DCTN5: variants seen among roughly 807,000 people sequenced by gnomAD.
DCTN5 encodes dynactin subunit 5, also known as dynactin 4.
In DCTN5, 14 loss-of-function variants were observed where a neutral mutation model predicts 23.5. The ratio of observed to expected loss-of-function variants is 0.60; its 90% CI spans 0.39 to 0.93. The LOEUF (loss-of-function observed/expected upper bound fraction) is 0.93, where lower values mean the gene tolerates loss of function less well. DCTN5 is among the 40% of genes least tolerant of loss of function. The pLI is 0.00. For synonymous variants in DCTN5, 67 were observed against 79.6 expected, an observed-to-expected ratio of 0.84 and a Z score of 0.84; for missense variants, 156 against 225.9, an observed-to-expected ratio of 0.69 and a Z score of 1.98.
intron 5 of DCTN5, chr16:23,666,578 C>G (rs563339298): frequency 4.2e-5 from 7 of 166,308 alleles, no homozygotes; most frequent in Non-Finnish European, 6.5e-5. Context: ...TTGTTTTACA[C>G]AGCTGAAATC....
chr16:23,647,134 GGTT>G (rs1463060577), intron 2 of DCTN5, among the ~76,000 whole-genome samples: 15 of 80,608 alleles, frequency 1.9e-4, no homozygotes, highest in African/African-American at 4.5e-4. Context: ...TAAGTTTTCT[GGTT>G]TTTTTTTTTT....
rs1967805805 is a variant in DCTN5, at chr16:23,661,299, G to A, written c.348+18G>A. ...GTGTGATTGTGAGTATGATGACTTG[G>A]CTGGCAAAGCAGCTTCACTTTCCCT... is the stretch of plus-strand genomic sequence containing the variant. On this transcript the variant is annotated intron_variant, in intron 4 of 5. Coordinates refer to ENST00000300087, the MANE Select transcript of DCTN5 (RefSeq NM_032486.4). The A allele has an allele frequency of 1.9e-6, 3 of 1,581,588 alleles. No individual in the cohort carries two copies. In the East Asian group the frequency reaches 6.8e-5, roughly 36 times the overall value.
chr16:23,641,618 T>C (rs757601639), intron 1 of DCTN5, 28 bp downstream of exon 1: 1 of 1,613,464 alleles, frequency 6.2e-7, no homozygotes, highest in East Asian at 2.2e-5. Context: ...TGTATCCTCC[T>C]CTTTCCAACC....
At chr16:23,654,262 A>G (rs1245213053) in intron 2 of DCTN5, among the ~76,000 whole-genome samples, 1 of 152,258 alleles carries the variant, frequency 6.6e-6, no homozygotes, top group Non-Finnish European at 1.5e-5. Flanking sequence ...TAGCAAAGAC[A>G]TGGAATCAAC....
chr16:23,646,144 G>C lies in DCTN5; in HGVS notation c.117+3121G>C, dbSNP rs973029202. The stretch of plus-strand genomic sequence containing the variant: ...TGGCCATCCAAGGGAGTATAAAATG[G>C]TATCTCATAGTGGTTTTGATTTGTA... On this transcript the variant is annotated intron_variant, in intron 2 of 5. Coordinates refer to ENST00000300087, the MANE Select transcript of DCTN5 (RefSeq NM_032486.4). Among the ~76,000 whole-genome samples the C allele has an allele frequency of 9.9e-5, 15 of 152,162 alleles. 1 individual carries two copies. Among genetic ancestry groups the C allele is most frequent in the Admixed American group, 4.6e-4 (7 of 15,280 alleles).
At chr16:23,666,803 C>A in intron 5 of DCTN5, 1 of 556,674 alleles carries the variant, frequency 1.8e-6, no homozygotes, top group South Asian at 2.7e-5. Context: ...TCTACCGTGT[C>A]ATGCATCTCT....
At chr16:23,658,984 T>G (rs2140983432) in intron 3 of DCTN5, among the ~76,000 whole-genome samples, 1 of 152,338 alleles carries the variant, frequency 6.6e-6, no homozygotes, top group African/African-American at 2.4e-5. Context: ...TCCCTCTCTG[T>G]ATCTGAGACT....
intron 2 of DCTN5, among the ~76,000 whole-genome samples, chr16:23,648,151 T>C (rs950655934): frequency 2.0e-5 from 3 of 151,966 alleles, no homozygotes; most frequent in Admixed American, 2.0e-4. Context: ...ATTTGTTTAA[T>C]TTATTTGTTA....
chr16:23,656,655 A>C (rs537412280), intron 2 of DCTN5, among the ~76,000 whole-genome samples: 10 of 151,888 alleles, frequency 6.6e-5, no homozygotes, highest in Non-Finnish European at 1.2e-4. Flanking sequence ...TTATTAATTT[A>C]TATATTTTTA....
chr16:23,661,906 T>G (rs1967820953), intron 4 of DCTN5, among the ~76,000 whole-genome samples: 1 of 151,992 alleles, frequency 6.6e-6, no homozygotes, highest in African/African-American at 2.4e-5. Flanking sequence ...ATGAGAAGAC[T>G]GAGGACCTTA....
intron 2 of DCTN5, chr16:23,650,689 G>A: frequency 1.4e-6 from 2 of 1,438,550 alleles, no homozygotes; most frequent in Non-Finnish European, 1.9e-6. Flanking sequence ...TTGGTGGAAA[G>A]TTACTTTGTT....
At chr16:23,651,234 T>C (rs1204376348) in intron 2 of DCTN5, 3 of 1,006,536 alleles carry the variant, frequency 3.0e-6, no homozygotes, top group South Asian at 8.7e-5. Context: ...TTTGCTTTGC[T>C]TCTGTGAAGG....
Position 23,653,988 on chromosome 16 carries a change from C to T in DCTN5, c.118-4519C>T, listed in dbSNP as rs575383872. ...AGTGCAAATCAAAACCACGAGATAC[C>T]GTCTCACACCAGTCAGAATAGCTGT... On this transcript the variant is annotated intron_variant, in intron 2 of 5. Transcript: ENST00000300087. Among the ~76,000 whole-genome samples the T allele has an allele frequency of 6.6e-5, 10 of 152,224 alleles. No individual in the cohort carries two copies. The East Asian group carries it at 1.3e-3, about 21-fold the overall frequency.
At chr16:23,646,294 T>C (rs985417431) in intron 2 of DCTN5, among the ~76,000 whole-genome samples, 9 of 152,206 alleles carry the variant, frequency 5.9e-5, no homozygotes, top group African/African-American at 1.9e-4. Context: ...CTTTTTCTTA[T>C]TGAGTTCTAG....
At position 23,672,977 on chromosome 16, in the gene DCTN5, A is replaced by T. The variant is rs1303719423; in HGVS notation, c.*5833A>T. ...CCCATCTCTACTAAAAATACAAAAAAATTAGCCAGGCATGGTGGCGGGTGC... is the reference window on the plus strand; with the variant it reads ...CCCATCTCTACTAAAAATACAAAAATATTAGCCAGGCATGGTGGCGGGTGC... On this transcript the variant is annotated 3_prime_UTR_variant, in exon 6 of 6. Coordinates refer to ENST00000300087, the MANE Select transcript of DCTN5 (RefSeq NM_032486.4). 6.6e-6 allele frequency: 1 copy of T among 152,122 alleles called. No individual in the cohort carries two copies. Among genetic ancestry groups the T allele is most frequent in the Non-Finnish European group, 1.5e-5 (1 of 68,022 alleles). 9.4% of individuals were successfully genotyped at this position (152,122 alleles called of 1,614,324 possible). A position where few individuals can be genotyped will look rare whatever the true frequency, so the allele number is the denominator to read the frequency against.
intron 4 of DCTN5, among the ~76,000 whole-genome samples, chr16:23,664,214 A>G (rs1044519809): frequency 6.6e-6 from 1 of 152,254 alleles, no homozygotes; most frequent in African/African-American, 2.4e-5. Flanking sequence ...AACTATAGTC[A>G]TAATGTGCTT....
rs1377415447 is a variant in DCTN5 at position 23,670,213 on chromosome 16, A to G, written c.*3069A>G. The G allele has an allele frequency of 6.6e-6, 1 of 152,184 alleles. No individual in the cohort carries two copies. The highest frequency in any genetic ancestry group is 1.9e-4 in the East Asian group (1 of 5,196). The allele number at this position is 152,184 out of a possible 1,614,324, so 9.4% of individuals were successfully genotyped here. On this transcript the variant is annotated 3_prime_UTR_variant, in exon 6 of 6. Coordinates refer to ENST00000300087, the MANE Select transcript of DCTN5 (RefSeq NM_032486.4). ...CTGCTGCAGGGAACAAAGGTGAATG[A>G]TTGTCTTGTGAGCCTCCTGTTGACT... is the stretch of plus-strand genomic sequence containing the variant.
rs1226353981 is a variant in DCTN5 at position 23,645,108 on chromosome 16, TATATATATATATATATATATATATATATA to T, written c.117+2086_117+2114del. ...CTATATATATATATATATATATATA[TATATATATATATATATATATATATATATA>T]TTTTTTTTTTTTTTAATACGCAGTT... On this transcript the variant is annotated intron_variant, in intron 2 of 5. Coordinates refer to ENST00000300087, the MANE Select transcript of DCTN5 (RefSeq NM_032486.4). 2.8e-3 allele frequency among the ~76,000 whole-genome samples: 97 copies of T among 34,698 alleles called. 2 individuals carry two copies. The highest frequency in any genetic ancestry group is 3.5e-3 in the South Asian group (4 of 1,128). 22.8% of individuals were successfully genotyped at this position (34,698 alleles called of 152,430 possible). A position where few individuals can be genotyped will look rare whatever the true frequency, so the allele number is the denominator to read the frequency against.
In DCTN5 at chr16:23,665,731, A is replaced by G. The variant is rs1967894198; in HGVS notation, c.451+3A>G. 6.2e-7 allele frequency: 1 copy of G among 1,609,034 alleles called. No homozygotes were observed. The highest frequency in any genetic ancestry group is 1.3e-5 in the African/African-American group (1 of 74,790). On this transcript the variant is annotated splice_donor_region_variant and intron_variant, in intron 5 of 5. Transcript: ENST00000300087. Reference sequence around the variant, plus strand: ...CACTGTCTTCTCAGGCTGCCCAGGTAACCTTGGCTGTTGATTAATTTTATT... The same window carrying G: ...CACTGTCTTCTCAGGCTGCCCAGGTGACCTTGGCTGTTGATTAATTTTATT...
Sources: allele counts gnomAD v4.1 joint callset (sites outside exome capture counted in the v4.1 genomes callset), GRCh38; gene constraint gnomAD v4.1.1; transcripts MANE v1.5; gene names NCBI Gene and HGNC (gene_info 2026-07-23, HGNC 2026-07-21).